Variants in ANKRD26 observed in about 807,000 individuals in gnomAD.
The protein encoded by ANKRD26 is ankyrin repeat domain-containing protein 26.
In ANKRD26, 141 loss-of-function variants were observed where a neutral mutation model predicts 208.7. The ratio of observed to expected loss-of-function variants is 0.68; its 90% CI spans 0.59 to 0.78. The LOEUF is 0.78. ANKRD26 is among the 30% of genes least tolerant of loss of function. The pLI, the probability that ANKRD26 is intolerant of heterozygous loss-of-function variation, is 0.00. For missense variants in ANKRD26, 1,889 were observed against 1,938.7 expected, an observed-to-expected ratio of 0.97 and a Z score of 0.48; for synonymous variants, 636 against 660.4, an observed-to-expected ratio of 0.96 and a Z score of 0.57.
intron 10 of ANKRD26, 30 bp from the exon 11 acceptor site, chr10:27,066,578 T>C (rs771282187): frequency 6.9e-7 from 1 of 1,457,570 alleles, no homozygotes; most frequent in East Asian, 2.3e-5. Context: ...GATATATTCA[T>C]GAGAACATTT....
intron 3 of ANKRD26, among the ~76,000 whole-genome samples, chr10:26,983,772 TTTCCC>T (rs1176174493): frequency 6.6e-6 from 1 of 152,178 alleles, no homozygotes; most frequent in Non-Finnish European, 1.5e-5. Context: ...CTGAAAAGCT[TTTCCC>T]ATGTGCCTTT....
At chr10:26,952,088 C>G in the ANKRD26 span, among the ~76,000 whole-genome samples, 1 of 152,186 alleles carries the variant, frequency 6.6e-6, no homozygotes, top group Non-Finnish European at 1.5e-5. Context: ...CAGATAGCAG[C>G]CTCTTCTTTC....
the ANKRD26 span, among the ~76,000 whole-genome samples, chr10:26,966,701 G>A: frequency 7.2e-5 from 11 of 152,150 alleles, no homozygotes; most frequent in Non-Finnish European, 1.3e-4. Context: ...CAAGGAAGGC[G>A]TAGTACAGTG....
At chr10:26,950,990 CCTTTTCTTTTTT>C in the ANKRD26 span, among the ~76,000 whole-genome samples, 1,287 of 123,536 alleles carry the variant, frequency 0.01, 8 homozygotes, top group South Asian at 0.019. Context: ...TTGTATTATC[CCTTTTCTTTTTT>C]CTTTTCTTTT....
At chr10:27,014,399 T>G (rs529104031) in intron 31 of ANKRD26, 95 bp downstream of exon 31, 101 of 973,610 alleles carry the variant, frequency 1.0e-4, no homozygotes, top group Non-Finnish European at 1.4e-4. Flanking sequence ...CTATTTAGCT[T>G]TCACTTCCCA....
In ANKRD26 at chr10:27,071,419, C is replaced by T. The variant is rs375937166; in HGVS notation, c.1078-4133G>A. On this transcript the variant is annotated intron_variant, in intron 9 of 33. Coordinates refer to ENST00000376087, the MANE Select transcript of ANKRD26 (RefSeq NM_014915.3). ...TCGATCTCCTGACCTCGTGATCCGC[C>T]CGCCTCGGCTTGCCAAAGTGCTGGG... Among the ~76,000 whole-genome samples the T allele has an allele frequency of 9.9e-5, 15 of 151,678 alleles. No individual in the cohort carries two copies. In the East Asian group the frequency reaches 1.4e-3, roughly 14 times the overall value.
chr10:27,008,525 C>T (rs961440161), intron 32 of ANKRD26, among the ~76,000 whole-genome samples: 19 of 152,214 alleles, frequency 1.2e-4, no homozygotes, highest in African/African-American at 4.3e-4. Context: ...AATGTAGTTT[C>T]TCACTTCTCC....
At chr10:27,068,048 G>A (rs1469523402) in intron 9 of ANKRD26, among the ~76,000 whole-genome samples, 1 of 152,204 alleles carries the variant, frequency 6.6e-6, no homozygotes, top group Non-Finnish European at 1.5e-5. Context: ...CACCTGGGAA[G>A]CTCAGGAAAT....
At position 27,079,171 on chromosome 10, in the gene ANKRD26, A is replaced by G. The variant is rs1208933812; in HGVS notation, c.741-10T>C. On this transcript the variant is annotated splice_polypyrimidine_tract_variant and intron_variant, in intron 6 of 33. Coordinates refer to ENST00000376087, the MANE Select transcript of ANKRD26 (RefSeq NM_014915.3). ...CGGTTTGCCAGAAAGCCTTTAGAAC[A>G]AAAATATAGAAAAATGAGTGAATTC... The G allele has an allele frequency of 1.2e-6, 2 of 1,600,484 alleles. No individual in the cohort carries two copies. Among genetic ancestry groups the G allele is most frequent in the African/African-American group, 2.7e-5 (2 of 74,622 alleles).
chr10:27,018,753 A>T (rs2053388862), intron 29 of ANKRD26, among the ~76,000 whole-genome samples: 1 of 152,140 alleles, frequency 6.6e-6, no homozygotes, highest in African/African-American at 2.4e-5. Flanking sequence ...ATCCTCTTGA[A>T]TAAATAGTGC....
At chr10:26,962,295 C>T in the ANKRD26 span, among the ~76,000 whole-genome samples, 6 of 152,072 alleles carry the variant, frequency 3.9e-5, no homozygotes, top group East Asian at 1.9e-4. Flanking sequence ...ATTAGCCACG[C>T]GGCCAGGTAC....
chr10:27,080,528 A>T, intron 6 of ANKRD26: 1 of 681,886 alleles, frequency 1.5e-6, no homozygotes, highest in Non-Finnish European at 1.8e-6. Flanking sequence ...AGCCCTTAAA[A>T]ATCTTTACAG....
chr10:27,080,905 T>A, intron 6 of ANKRD26: 18 of 985,296 alleles, frequency 1.8e-5, no homozygotes, highest in Non-Finnish European at 2.2e-5. Context: ...ACCCTACATG[T>A]CCATGAGAAG....
At chr10:27,070,948 AACC>A (rs1387563092) in intron 9 of ANKRD26, among the ~76,000 whole-genome samples, 1 of 152,076 alleles carries the variant, frequency 6.6e-6, no homozygotes, top group East Asian at 1.9e-4. Context: ...TGCAGGTGTG[AACC>A]ACCATGTCCA....
At chr10:26,991,130 C>A (rs1214005216), downstream of ANKRD26, among the ~76,000 whole-genome samples, 2 of 152,160 alleles carry the variant, frequency 1.3e-5, no homozygotes, top group Non-Finnish European at 2.9e-5. Flanking sequence ...GGTCAGGGAT[C>A]CCTGGAGGAA....
intron 11 of ANKRD26, 135 bp from the exon 12 acceptor site, chr10:27,064,216 G>C (rs1233043874): frequency 1.4e-6 from 1 of 729,608 alleles, no homozygotes; most frequent in Non-Finnish European, 2.2e-6. Flanking sequence ...AGATAAGCAT[G>C]TATTGAAAAC....
intron 9 of ANKRD26, among the ~76,000 whole-genome samples, chr10:27,074,175 A>G (rs768895495): frequency 2.0e-5 from 3 of 152,182 alleles, no homozygotes; most frequent in African/African-American, 7.2e-5. Context: ...TGGATACAAA[A>G]CAAGATGAAA....
intron 6 of ANKRD26, chr10:27,080,057 G>A (rs944945897): frequency 4.8e-5 from 19 of 397,676 alleles, no homozygotes; most frequent in Non-Finnish European, 8.5e-5. Context: ...CTTGGGAGGT[G>A]GAGGCAGAAG....
At chr10:27,013,204 T>A in intron 31 of ANKRD26, 94 bp from the exon 32 acceptor site, 2 of 1,060,830 alleles carry the variant, frequency 1.9e-6, no homozygotes, top group Non-Finnish European at 2.8e-6. Context: ...ACCATAGGAG[T>A]AAATGAAATT....
Sources: allele counts gnomAD v4.1 joint callset (sites outside exome capture counted in the v4.1 genomes callset), GRCh38; gene constraint gnomAD v4.1.1; transcripts MANE v1.5; gene names NCBI Gene and HGNC (gene_info 2026-07-23, HGNC 2026-07-21).